CRYBA2: variants seen among roughly 807,000 people sequenced by gnomAD.
CRYBA2 encodes beta-crystallin A2.
CRYBA2 carries 17 observed loss-of-function variants against 18.5 expected under a neutral mutation model. The ratio of observed to expected loss-of-function variants is 0.92; its 90% confidence interval spans 0.63 to 1.38. The LOEUF (loss-of-function observed/expected upper bound fraction) is 1.38. Among genes scored for constraint, CRYBA2 ranks in the 40% most tolerant of loss-of-function variants. CRYBA2 has a pLI of 0.00. For missense variants in CRYBA2, 271 were observed against 265.0 expected, an observed-to-expected ratio of 1.02 and a Z score of -0.16; for synonymous variants, 101 against 106.2, an observed-to-expected ratio of 0.95 and a Z score of 0.30.
At position 218,992,334 on chromosome 2, in the gene CRYBA2, C is replaced by A. The variant is rs1250964515; in HGVS notation, c.162-91G>T. 6 of 1,392,208 alleles carry A rather than the reference C, an allele frequency of 4.3e-6. No individual in the cohort carries two copies. In the African/African-American group the frequency reaches 7.2e-5, roughly 17 times the overall value. The allele number at this position is 1,392,208 out of a possible 1,614,324, so 86.2% of individuals were successfully genotyped here. On this transcript the variant is annotated intron_variant, in intron 1 of 3. Transcript: ENST00000295728. The stretch of plus-strand genomic sequence containing the variant: ...GGCCATGATTGAAAAGACTGAGAAG[C>A]ACAATGTTTTTCTCCAACCCCAAAC...
In CRYBA2 at chr2:218,990,808, C is replaced by T. The variant is rs567624676; in HGVS notation, c.446+44G>A. Reference sequence around the variant, plus strand: ...CCACCCTCTTCCTTGGTCCCCATTGCCTCCCTGCTCTTCTGTCTCCCTGGT... The same window carrying T: ...CCACCCTCTTCCTTGGTCCCCATTGTCTCCCTGCTCTTCTGTCTCCCTGGT... On this transcript the variant is annotated intron_variant, in intron 3 of 3. Coordinates refer to ENST00000295728, the MANE Select transcript of CRYBA2 (RefSeq NM_057093.2). 8.1e-6 allele frequency: 13 copies of T among 1,599,788 alleles called. No individual in the cohort carries two copies. In the South Asian group the frequency reaches 1.2e-4, roughly 15 times the overall value.
At chr2:218,991,935 A>C in intron 2 of CRYBA2, 167 bp downstream of exon 2, 1 of 655,792 alleles carries the variant, frequency 1.5e-6, no homozygotes, top group South Asian at 2.1e-5. Context: ...CACAATCCCA[A>C]CTTTCTTGGA....
rs1945515644 is a variant in CRYBA2, at chr2:218,992,971, C to T, written c.161+45G>A. The T allele has an allele frequency of 2.6e-6, 4 of 1,526,604 alleles. No individual in the cohort carries two copies. In the South Asian group the frequency reaches 4.8e-5, roughly 18 times the overall value. The allele number at this position is 1,526,604 out of a possible 1,614,324, so 94.6% of individuals were successfully genotyped here. On this transcript the variant is annotated intron_variant, in intron 1 of 3. Transcript: ENST00000295728. ...GCTCTGAGCCTAGGCCGGTGGAACC[C>T]AGCGCCCCTCAACCCAGCCCAGCCG...
chr2:218,991,255 G>C (rs545603767), intron 2 of CRYBA2: 1 of 444,872 alleles, frequency 2.2e-6, no homozygotes, highest in Admixed American at 3.8e-5. Context: ...GACCCTTTCA[G>C]GTCAGGACTA....
intron 2 of CRYBA2, chr2:218,991,753 A>G: frequency 3.8e-6 from 1 of 263,728 alleles, no homozygotes; most frequent in Non-Finnish European, 7.2e-6. Context: ...CCCCATTTCC[A>G]CACCTGTGTA....
At chr2:218,991,995 T>G in intron 2 of CRYBA2, 107 bp downstream of exon 2, 1 of 925,630 alleles carries the variant, frequency 1.1e-6, no homozygotes. Context: ...CATCTCGGAG[T>G]TTGTTTACAC....
At chr2:218,990,733 C>T (rs1945486327) in intron 3 of CRYBA2, 119 bp downstream of exon 3, 2 of 1,298,158 alleles carry the variant, frequency 1.5e-6, no homozygotes, top group Admixed American at 4.3e-5. Flanking sequence ...CCTCCCCTTG[C>T]CTCCAAGTCC....
rs369927720 is a variant in CRYBA2, at chr2:218,990,443, C to T, written c.447-44G>A. The T allele has an allele frequency of 9.4e-6, 15 of 1,603,746 alleles. No homozygotes were observed. The South Asian group carries it at 1.0e-4, about 11-fold the overall frequency. On this transcript the variant is annotated intron_variant, in intron 3 of 3. Coordinates refer to ENST00000295728, the MANE Select transcript of CRYBA2 (RefSeq NM_057093.2). The stretch of plus-strand genomic sequence containing the variant: ...AGAGGCAGGGAGTAAGCTCTGCCCC[C>T]ACCCCCACCCTATGTTCTCCACCAG...
chr2:218,990,438 G>GCCCCCCCCCCCCCCCCCTGTTTTC, intron 3 of CRYBA2, 39 bp from the exon 4 acceptor site: 1 of 1,606,078 alleles, frequency 6.2e-7, no homozygotes, highest in Non-Finnish European at 8.5e-7. Flanking sequence ...AGTAAGCTCT[G>GCCCCCCCCCCCCCCCCCTGTTTTC]CCCCCACCCC....
chr2:218,991,213 TAAG>T, intron 2 of CRYBA2: 2 of 566,014 alleles, frequency 3.5e-6, no homozygotes, highest in Admixed American at 6.8e-5. Flanking sequence ...GACTTTGAGA[TAAG>T]GAGGTGATTG....
At chr2:218,990,608 A>G (rs952094740) in intron 3 of CRYBA2, among the ~76,000 whole-genome samples, 1 of 137,612 alleles carries the variant, frequency 7.3e-6, no homozygotes, top group African/African-American at 2.8e-5. Flanking sequence ...CCCACCCCTT[A>G]TTTCCTCCAC....
At chr2:218,992,810 G>A (rs941450620) in intron 1 of CRYBA2, among the ~76,000 whole-genome samples, 4 of 152,158 alleles carry the variant, frequency 2.6e-5, no homozygotes, top group Admixed American at 2.6e-4. Context: ...GTCGCTTCTC[G>A]CCTGTGTCTC....
Position 218,993,162 on chromosome 2 carries a change from G to C in CRYBA2, c.15C>G (p.Pro5=). The change falls in exon 1 of 4, where the codon CCC becomes CCG. Residue 5 remains proline, a synonymous_variant. Transcript: ENST00000295728. This position sits in a 1 kb window ranked among gnomAD's most constrained non-coding sequence, Gnocchi z 7.7. ...GGCTGGCGGGCGCCGGGCCCGGCGC[G>C]GGGGCGCTGCTCATGCCGCTGCGGA... MSSA[P]APGPAPASLT... The C allele has an allele frequency of 6.2e-7, 1 of 1,602,720 alleles. No homozygotes were observed. Among genetic ancestry groups the C allele is most frequent in the Non-Finnish European group, 8.5e-7 (1 of 1,175,578 alleles).
intron 3 of CRYBA2, 39 bp from the exon 4 acceptor site, chr2:218,990,438 G>GCCCCCCCCCCCCCCCCC: frequency 6.2e-7 from 1 of 1,606,078 alleles, no homozygotes; most frequent in Non-Finnish European, 8.5e-7. Context: ...AGTAAGCTCT[G>GCCCCCCCCCCCCCCCCC]CCCCCACCCC....
chr2:218,990,511 T>C lies in CRYBA2; in HGVS notation c.447-112A>G, dbSNP rs1042303489. The C allele has an allele frequency of 2.3e-6, 3 of 1,295,312 alleles. No individual in the cohort carries two copies. The African/African-American group carries it at 4.8e-5, about 21-fold the overall frequency. The allele number at this position is 1,295,312 out of a possible 1,614,324, so 80.2% of individuals were successfully genotyped here. A position where few individuals can be genotyped will look rare whatever the true frequency, so the allele number is the denominator to read the frequency against. On this transcript the variant is annotated intron_variant, in intron 3 of 3. Transcript: ENST00000295728. ...CTCCCAACCCCCAGTTCCAAAATCATTGCTTCAACTTTCCCTCCGTGGCTC... is the reference window on the plus strand; with the variant it reads ...CTCCCAACCCCCAGTTCCAAAATCACTGCTTCAACTTTCCCTCCGTGGCTC...
chr2:218,992,977 C>A, intron 1 of CRYBA2, 39 bp downstream of exon 1: 1 of 1,551,022 alleles, frequency 6.4e-7, no homozygotes, highest in South Asian at 1.2e-5. Flanking sequence ...AACCCAGCGC[C>A]CCTCAACCCA....
chr2:218,990,576 C>T (rs1178751462), intron 3 of CRYBA2, among the ~76,000 whole-genome samples, 177 bp from the exon 4 acceptor site: 1 of 151,690 alleles, frequency 6.6e-6, no homozygotes, highest in Non-Finnish European at 1.5e-5. Flanking sequence ...TTTCTGTCAC[C>T]GTTCTCATCC....
chr2:218,993,186 G>T lies in CRYBA2; in HGVS notation c.-10C>A. 1 of 1,588,672 alleles carries T rather than the reference G, an allele frequency of 6.3e-7. No individual in the cohort carries two copies. The highest frequency in any genetic ancestry group is 8.6e-7 in the Non-Finnish European group (1 of 1,169,360). ...CGGGGGCGCTGCTCATGCCGCTGCG[G>T]ACAGGAAGGGTGGCACCACGCGCTC... On this transcript the variant is annotated 5_prime_UTR_variant, in exon 1 of 4. Coordinates refer to ENST00000295728, the MANE Select transcript of CRYBA2 (RefSeq NM_057093.2). This position sits in a 1 kb window ranked among gnomAD's most constrained non-coding sequence, Gnocchi z 7.7.
chr2:218,993,205 C>A lies in CRYBA2; in HGVS notation c.-29G>T, dbSNP rs1945520568. 1 of 1,561,444 alleles carries A rather than the reference C, an allele frequency of 6.4e-7. No homozygotes were observed. Among genetic ancestry groups the A allele is most frequent in the South Asian group, 1.2e-5 (1 of 86,668 alleles). The stretch of plus-strand genomic sequence containing the variant: ...GCTGCGGACAGGAAGGGTGGCACCA[C>A]GCGCTCAGCGTCTCAAGAGCCCCGT... On this transcript the variant is annotated 5_prime_UTR_variant, in exon 1 of 4. Transcript: ENST00000295728. The surrounding 1 kb of genome is among the most constrained non-coding windows in gnomAD (Gnocchi z 7.7).
Sources: gnomAD v4.1 joint callset for allele counts (sites outside exome capture counted in the v4.1 genomes callset) on GRCh38, gnomAD v4.1.1 for gene constraint, Gnocchi (gnomAD v3.1) non-coding constraint, MANE v1.5 for transcripts, NCBI Gene and HGNC (gene_info 2026-07-23, HGNC 2026-07-21) for gene names.